CBLB: variants seen among roughly 807,000 people sequenced by gnomAD.
CBLB encodes E3 ubiquitin-protein ligase CBL-B.
Under a neutral mutation model 104.9 loss-of-function variants are expected in CBLB, and 31 were observed. That is an observed-to-expected ratio of 0.30 (90% confidence interval 0.22 to 0.40). CBLB has a LOEUF of 0.40. Among genes scored for constraint, CBLB ranks in the 10% least tolerant of loss-of-function variants. The pLI is 1.00. For synonymous variants in CBLB, 440 were observed against 422.6 expected (o/e 1.04, Z -0.51); for missense variants, 1,062 against 1,214.6 (o/e 0.87, Z 1.87).
intron 3 of CBLB, among the ~76,000 whole-genome samples, chr3:105,834,462 C>T (rs1477174552): frequency 1.3e-5 from 2 of 152,088 alleles, no homozygotes; most frequent in African/African-American, 2.4e-5. Context: ...GGAGACCATC[C>T]TGGCTAACAC....
At chr3:105,794,158 T>C (rs1004283910) in intron 3 of CBLB, among the ~76,000 whole-genome samples, 1 of 152,196 alleles carries the variant, frequency 6.6e-6, no homozygotes, top group Non-Finnish European at 1.5e-5. Flanking sequence ...GGTCATCAAA[T>C]TACTTAACAG....
chr3:105,734,096 G>C lies in CBLB; in HGVS notation c.1116C>G (p.Leu372=), dbSNP rs758001430. 1 of 1,613,952 alleles carries C rather than the reference G, an allele frequency of 6.2e-7. No individual in the cohort carries two copies. Among genetic ancestry groups the C allele is most frequent in the South Asian group, 1.1e-5 (1 of 91,084 alleles). ...LYCEMGSTFQ[L]CKICAENDKD... is the part of the protein sequence containing the mutation. ...TGTCATTCTCTGCACAAATCTTACA[G>C]AGCTGAAAAGTGGAGCCCATTTCAC... The change falls in exon 9 of 19, where the codon CTC becomes CTG. Residue 372 remains leucine, a synonymous_variant. Transcript: ENST00000394030.
chr3:105,668,104 G>T (rs1327737865), intron 18 of CBLB, among the ~76,000 whole-genome samples: 1 of 152,152 alleles, frequency 6.6e-6, no homozygotes, highest in African/African-American at 2.4e-5. Context: ...TTTGTAAAGA[G>T]AATTTAGGGA....
intron 3 of CBLB, among the ~76,000 whole-genome samples, chr3:105,847,783 A>G (rs994611774): frequency 6.6e-6 from 1 of 152,218 alleles, no homozygotes; most frequent in African/African-American, 2.4e-5. Flanking sequence ...CAGCTGATTA[A>G]TACACACTTT....
At chr3:105,797,871 T>C (rs2082410666) in intron 3 of CBLB, among the ~76,000 whole-genome samples, 1 of 152,196 alleles carries the variant, frequency 6.6e-6, no homozygotes, top group Non-Finnish European at 1.5e-5. Context: ...GAAAGGAGAA[T>C]AATGAGAAGT....
chr3:105,825,604 A>C (rs2086461569), intron 3 of CBLB, among the ~76,000 whole-genome samples: 1 of 152,248 alleles, frequency 6.6e-6, no homozygotes, highest in Non-Finnish European at 1.5e-5. Context: ...GAATAAATAA[A>C]TTAATGAATA....
chr3:105,686,439 T>C (rs903281754), intron 13 of CBLB, among the ~76,000 whole-genome samples: 2 of 150,790 alleles, frequency 1.3e-5, no homozygotes, highest in Non-Finnish European at 3.0e-5. Context: ...TCTGTTCAAT[T>C]TAAAAAGGAA....
At chr3:105,762,064 T>G (rs2077696016) in intron 4 of CBLB, 1 of 152,470 alleles carries the variant, frequency 6.6e-6, no homozygotes, top group East Asian at 1.9e-4. Context: ...GAGAGATAAT[T>G]TAGGGCATCT....
At chr3:105,779,984 G>A (rs562714757) in intron 3 of CBLB, among the ~76,000 whole-genome samples, 3 of 151,724 alleles carry the variant, frequency 2.0e-5, no homozygotes, top group African/African-American at 7.3e-5. Flanking sequence ...CTCCCAAGTA[G>A]CTGGGATTAC....
chr3:105,847,651 G>GA (rs2090445884), intron 3 of CBLB, among the ~76,000 whole-genome samples: 1 of 151,820 alleles, frequency 6.6e-6, no homozygotes. Flanking sequence ...TGTAGGAGGG[G>GA]AAAATGGGTT....
Position 105,693,530 on chromosome 3 carries a change from G to T in CBLB, c.2018C>A (p.Pro673His), listed in dbSNP as rs2067982287. Residue 673 changes from proline (P) to histidine (H), a missense_variant, in exon 13 of 19, where the codon CCT becomes CAT. By Grantham distance (77) the Pro-to-His change is moderately conservative. This residue lies in a region of CBLB where 605 missense variants were observed against 582.6 expected (regional missense o/e 1.04). Transcript: ENST00000394030. Reference sequence around the variant, plus strand: ...GAGGAGGGTGGTAACTGGAGGAGGAGGAGAAAGCCGGGGAGGAACATCATA... The same window carrying T: ...GAGGAGGGTGGTAACTGGAGGAGGATGAGAAAGCCGGGGAGGAACATCATA... ...EEYDVPPRLSPPPPVTTLLPS... is the reference protein window; with the variant it reads ...EEYDVPPRLSHPPPVTTLLPS... 6.2e-7 allele frequency: 1 copy of T among 1,612,502 alleles called. No individual in the cohort carries two copies. Among genetic ancestry groups the T allele is most frequent in the South Asian group, 1.1e-5 (1 of 91,036 alleles).
intron 3 of CBLB, among the ~76,000 whole-genome samples, chr3:105,785,674 T>C (rs1163351912): frequency 6.6e-6 from 1 of 152,094 alleles, no homozygotes; most frequent in African/African-American, 2.4e-5. Flanking sequence ...ATAGGACAAG[T>C]AAAATACAAA....
At chr3:105,857,213 T>G (rs75471618) in intron 2 of CBLB, among the ~76,000 whole-genome samples, 11,823 of 152,292 alleles carry the variant, frequency 0.078, 627 homozygotes, top group East Asian at 0.29. Context: ...GTTTATGTTT[T>G]ACAAATATTT....
chr3:105,720,752 C>A (rs892120523), intron 9 of CBLB, among the ~76,000 whole-genome samples: 1 of 152,104 alleles, frequency 6.6e-6, no homozygotes. Context: ...ATTTTAAAAT[C>A]TTTATACACA....
At chr3:105,867,116 C>T (rs1160920644) in intron 2 of CBLB, among the ~76,000 whole-genome samples, 1 of 152,138 alleles carries the variant, frequency 6.6e-6, no homozygotes, top group Non-Finnish European at 1.5e-5. Flanking sequence ...CAAACACTTC[C>T]AAGCATTCTA....
chr3:105,727,476 A>T (rs1257798383), intron 9 of CBLB, among the ~76,000 whole-genome samples: 1 of 151,802 alleles, frequency 6.6e-6, no homozygotes, highest in East Asian at 1.9e-4. Context: ...AACTGTAAAA[A>T]TTTTCCCTCA....
intron 12 of CBLB, among the ~76,000 whole-genome samples, chr3:105,698,197 A>G (rs984765392): frequency 3.3e-5 from 5 of 152,088 alleles, no homozygotes; most frequent in East Asian, 3.9e-4. Context: ...GAGTAAATGA[A>G]TATCACAAAA....
intron 10 of CBLB, 73 bp from the exon 11 acceptor site, chr3:105,704,246 T>A: frequency 7.2e-7 from 1 of 1,397,872 alleles, no homozygotes. Flanking sequence ...AAAGAATATA[T>A]TTGGTTGGAA....
intron 3 of CBLB, among the ~76,000 whole-genome samples, chr3:105,835,894 G>T (rs1041135682): frequency 6.6e-6 from 1 of 152,130 alleles, no homozygotes; most frequent in Admixed American, 6.5e-5. Flanking sequence ...TACAATAAAT[G>T]CATACAAAGA....
Sources: gnomAD v4.1 joint callset for allele counts (sites outside exome capture counted in the v4.1 genomes callset) on GRCh38, gnomAD v4.1.1 for gene constraint, gnomAD v4.1.1 regional missense constraint, MANE v1.5 for transcripts, NCBI Gene and HGNC (gene_info 2026-07-23, HGNC 2026-07-21) for gene names.